The following BORA variants were observed in gnomAD, a reference collection of about 807,000 sequenced individuals.
BORA encodes protein aurora borealis.
BORA carries 26 observed loss-of-function variants against 55.8 expected under a neutral mutation model. The ratio of observed to expected loss-of-function variants is 0.47; its 90% confidence interval spans 0.34 to 0.65. The LOEUF (loss-of-function observed/expected upper bound fraction) is 0.65. Among genes scored for constraint, BORA ranks in the 30% least tolerant of loss-of-function variants. The pLI is 0.01. For missense variants in BORA, 568 were observed against 671.5 expected (o/e 0.85, Z 1.70); for synonymous variants, 201 against 216.9 (o/e 0.93, Z 0.64).
At chr13:72,728,068 C>A (rs557749749) in intron 1 of BORA, 61 bp downstream of exon 1, 303 of 1,548,522 alleles carry the variant, frequency 2.0e-4, no homozygotes, top group Non-Finnish European at 2.3e-4. Flanking sequence ...GGTTTCTTTT[C>A]CCAGCTCCTG....
At position 72,729,055 on chromosome 13, in the gene BORA, C is replaced by G; in HGVS notation, c.115C>G (p.Leu39Val). Residue 39 changes from leucine (L) to valine (V), a missense_variant, in exon 2 of 12, where the codon CTC (leucine) becomes GTC (valine). Coordinates refer to ENST00000390667, the MANE Select transcript of BORA (RefSeq NM_024808.5). ...SDYSNLHEQT[L>V]ASPSVFKSTK... ...TTATTCTAATCTCCATGAACAAACTCTCGCCAGTCCTTCTGTTTTTAAATC... is the reference window on the plus strand; with the variant it reads ...TTATTCTAATCTCCATGAACAAACTGTCGCCAGTCCTTCTGTTTTTAAATC... 2 of 1,586,490 alleles carry G rather than the reference C, an allele frequency of 1.3e-6. No homozygotes were observed. The highest frequency in any genetic ancestry group is 1.7e-6 in the Non-Finnish European group (2 of 1,171,394).
intron 2 of BORA, among the ~76,000 whole-genome samples, chr13:72,729,696 T>C (rs2032770341): frequency 6.6e-6 from 1 of 152,244 alleles, no homozygotes; most frequent in Non-Finnish European, 1.5e-5. Context: ...ACAGCTTTAT[T>C]TATGGACACA....
chr13:72,738,171 T>A, intron 5 of BORA, 128 bp downstream of exon 5: 1 of 465,610 alleles, frequency 2.1e-6, no homozygotes, highest in Non-Finnish European at 3.6e-6. Flanking sequence ...ACATAGAATT[T>A]AACTCCTTTT....
At chr13:72,746,223 AAC>A in intron 9 of BORA, 147 bp downstream of exon 9, 1 of 889,792 alleles carries the variant, frequency 1.1e-6, no homozygotes. Flanking sequence ...TAAATAAAAG[AAC>A]AGTTTACCTT....
chr13:72,732,869 ACTT>A (rs1218433505), intron 3 of BORA, among the ~76,000 whole-genome samples: 3 of 152,144 alleles, frequency 2.0e-5, no homozygotes, highest in African/African-American at 7.2e-5. Flanking sequence ...GTCAAGAGAT[ACTT>A]ATTGAGTACT....
chr13:72,752,922 C>T (rs1566230358), intron 10 of BORA: 1 of 152,160 alleles, frequency 6.6e-6, no homozygotes, highest in Non-Finnish European at 1.5e-5. Flanking sequence ...TGGTGCTCAG[C>T]ATTATACAGG....
At chr13:72,735,456 T>C (rs562905843) in intron 4 of BORA, among the ~76,000 whole-genome samples, 303 of 152,282 alleles carry the variant, frequency 2.0e-3, no homozygotes, top group African/African-American at 7.1e-3. Context: ...ATACTTTGGA[T>C]TTTTAAGATA....
chr13:72,751,170 G>C (rs1358290207), intron 10 of BORA, among the ~76,000 whole-genome samples: 1 of 152,050 alleles, frequency 6.6e-6, no homozygotes. Flanking sequence ...GTGGGAATAT[G>C]AATTAGTACA....
At chr13:72,735,219 T>G (rs1489359880) in intron 4 of BORA, among the ~76,000 whole-genome samples, 1 of 152,204 alleles carries the variant, frequency 6.6e-6, no homozygotes, top group Non-Finnish European at 1.5e-5. Flanking sequence ...CATACTGTTG[T>G]AATGATCAGT....
intron 10 of BORA, among the ~76,000 whole-genome samples, chr13:72,751,911 C>A (rs1314479745): frequency 6.6e-6 from 1 of 152,032 alleles, no homozygotes; most frequent in African/African-American, 2.4e-5. Flanking sequence ...TAATGGAAGG[C>A]AAGGTCCTTT....
At chr13:72,746,213 T>C in intron 9 of BORA, 137 bp downstream of exon 9, 1 of 918,708 alleles carries the variant, frequency 1.1e-6, no homozygotes, top group Non-Finnish European at 1.6e-6. Flanking sequence ...CTTTGATTTT[T>C]AAATAAAAGA....
intron 9 of BORA, 32 bp downstream of exon 9, chr13:72,746,108 G>C (rs1243780543): frequency 6.5e-7 from 1 of 1,545,880 alleles, no homozygotes; most frequent in African/African-American, 1.4e-5. Flanking sequence ...CTAGTTAAAA[G>C]TTTTATACTA....
chr13:72,738,463 T>A (rs754799235), intron 5 of BORA, among the ~76,000 whole-genome samples: 5 of 152,206 alleles, frequency 3.3e-5, no homozygotes, highest in Non-Finnish European at 7.4e-5. Flanking sequence ...AGACTTAATA[T>A]GACCTCTGGG....
intron 3 of BORA, among the ~76,000 whole-genome samples, chr13:72,734,311 C>T (rs1335478386): frequency 6.6e-6 from 1 of 151,664 alleles, no homozygotes; most frequent in Non-Finnish European, 1.5e-5. Context: ...AAGAAGTGGT[C>T]CTAGAAAGCT....
chr13:72,746,263 AC>A (rs2033139254), intron 9 of BORA, among the ~76,000 whole-genome samples, 187 bp downstream of exon 9: 1 of 152,232 alleles, frequency 6.6e-6, no homozygotes, highest in East Asian at 1.9e-4. Context: ...ACCAGTTTGT[AC>A]TGTAGTGTTA....
In BORA at chr13:72,745,122, G is replaced by C; in HGVS notation, c.653G>C (p.Ser218Thr). Residue 218 changes from serine to threonine, a missense_variant, in exon 8 of 12, where the codon AGT becomes ACT. Coordinates refer to ENST00000390667, the MANE Select transcript of BORA (RefSeq NM_024808.5). The part of the protein sequence containing the change: ...LPSASPGSPH[S>T]GVQTSLEMFY... ...TCGGCTTCTCCCGGAAGTCCTCACAGTGGTGTTCAAACATCACTAGAGATG... is the reference window on the plus strand; with the variant it reads ...TCGGCTTCTCCCGGAAGTCCTCACACTGGTGTTCAAACATCACTAGAGATG... The C allele has an allele frequency of 6.2e-7, 1 of 1,614,180 alleles. No individual in the cohort carries two copies. Among genetic ancestry groups the C allele is most frequent in the Non-Finnish European group, 8.5e-7 (1 of 1,180,002 alleles).
chr13:72,750,660 G>C (rs1333594392), intron 10 of BORA, among the ~76,000 whole-genome samples: 4 of 152,036 alleles, frequency 2.6e-5, no homozygotes, highest in Non-Finnish European at 4.4e-5. Flanking sequence ...TAGGAGTTGG[G>C]CAGCATAATT....
At chr13:72,745,888 A>G (rs549317037) in intron 8 of BORA, 56 bp from the exon 9 acceptor site, 29 of 1,465,936 alleles carry the variant, frequency 2.0e-5, no homozygotes, top group African/African-American at 7.1e-5. Flanking sequence ...AGCATGCAGC[A>G]TAAGAGTTAA....
At chr13:72,739,231 G>A (rs1053995265) in intron 5 of BORA, among the ~76,000 whole-genome samples, 4 of 152,172 alleles carry the variant, frequency 2.6e-5, no homozygotes, top group Admixed American at 2.6e-4. Flanking sequence ...TTTTTCAACA[G>A]ATGAATCAAC....
Sources: allele counts gnomAD v4.1 joint callset (sites outside exome capture counted in the v4.1 genomes callset), GRCh38; gene constraint gnomAD v4.1.1; transcripts MANE v1.5; gene names NCBI Gene and HGNC (gene_info 2026-07-23, HGNC 2026-07-21).